Variants in TBC1D1 observed in about 807,000 individuals in gnomAD.
TBC1D1 encodes the protein TBC1 domain family member 1, also known as TBC1 (tre-2/USP6, BUB2, cdc16) domain family, member 1.
TBC1D1 carries 89 observed loss-of-function variants against 125.6 expected under a neutral mutation model. The observed-to-expected ratio is 0.71, with a 90% confidence interval of 0.60 to 0.85. TBC1D1 has a LOEUF of 0.85. Among genes scored for constraint, TBC1D1 ranks in the 40% least tolerant of loss-of-function variants. The probability of loss-of-function intolerance (pLI) is 0.00; values close to 1 mark genes in which losing one functional copy is unlikely to be tolerated. For synonymous variants in TBC1D1, 565 were observed against 564.1 expected (o/e 1.00, Z -0.02); for missense variants, 1,377 against 1,469.2 (o/e 0.94, Z 1.03).
intron 12 of TBC1D1, among the ~76,000 whole-genome samples, chr4:38,065,998 G>A (rs1753666794): frequency 6.6e-6 from 1 of 152,208 alleles, no homozygotes; most frequent in Non-Finnish European, 1.5e-5. Flanking sequence ...GAGTGACACA[G>A]TTATGTCTCC....
chr4:38,066,895 C>A (rs1335325797), intron 12 of TBC1D1, among the ~76,000 whole-genome samples: 1 of 151,598 alleles, frequency 6.6e-6, no homozygotes, highest in South Asian at 2.1e-4. Flanking sequence ...TTTCTTTTAC[C>A]CCGATGGAGT....
intron 2 of TBC1D1, among the ~76,000 whole-genome samples, chr4:37,919,477 C>G (rs947996966): frequency 1.3e-5 from 2 of 151,844 alleles, no homozygotes; most frequent in Admixed American, 1.3e-4. Flanking sequence ...TAAGCCACCG[C>G]GCCTGGCTAA....
chr4:38,077,135 G>A (rs1755732586), intron 12 of TBC1D1, among the ~76,000 whole-genome samples: 1 of 152,208 alleles, frequency 6.6e-6, no homozygotes, highest in Admixed American at 6.5e-5. Context: ...TCTAAAATTT[G>A]CAGGTAAGAT....
At chr4:38,027,674 T>C in intron 6 of TBC1D1, 114 bp from the exon 7 acceptor site, 1 of 556,182 alleles carries the variant, frequency 1.8e-6, no homozygotes, top group Non-Finnish European at 3.2e-6. Flanking sequence ...TCCTAAAACC[T>C]TGGAAGTCTG....
At chr4:37,991,887 G>A (rs372608775) in intron 2 of TBC1D1, among the ~76,000 whole-genome samples, 3 of 152,176 alleles carry the variant, frequency 2.0e-5, no homozygotes, top group Non-Finnish European at 4.4e-5. Context: ...CATCCAGGGG[G>A]TGACAAAGAA....
intron 2 of TBC1D1, among the ~76,000 whole-genome samples, chr4:37,963,582 A>C (rs1730475394): frequency 6.6e-6 from 1 of 152,208 alleles, no homozygotes; most frequent in Admixed American, 6.5e-5. Context: ...GCTTCAGCCC[A>C]GGAGGTGAAG....
intron 7 of TBC1D1, 115 bp from the exon 8 acceptor site, chr4:38,035,473 A>G (rs1747024705): frequency 1.3e-6 from 1 of 744,864 alleles, no homozygotes; most frequent in Admixed American, 2.6e-5. Flanking sequence ...CCCTGGTGAG[A>G]TGATTGAGTA....
chr4:37,989,576 T>G (rs1019784527), intron 2 of TBC1D1, among the ~76,000 whole-genome samples: 4 of 152,264 alleles, frequency 2.6e-5, no homozygotes, highest in Admixed American at 2.6e-4. Flanking sequence ...GGAGATTGAT[T>G]CTTTTTGCTG....
intron 12 of TBC1D1, among the ~76,000 whole-genome samples, chr4:38,065,297 C>G (rs1753514020): frequency 6.6e-6 from 1 of 152,116 alleles, no homozygotes; most frequent in African/African-American, 2.4e-5. Flanking sequence ...GCCCCAGAAT[C>G]CCCTGGAGGA....
Position 38,035,705 on chromosome 4 carries a change from C to T in TBC1D1, c.1413+7C>T, listed in dbSNP as rs867130623. 4 of 1,593,416 alleles carry T rather than the reference C, an allele frequency of 2.5e-6. No homozygotes were observed. The highest frequency in any genetic ancestry group is 3.4e-6 in the Non-Finnish European group (4 of 1,163,010). On this transcript the variant is annotated splice_region_variant and intron_variant, in intron 8 of 19. Transcript: ENST00000261439. ...TATTGGGGAGATGAAGCAGGTATGG[C>T]ATTTTTGTCTCTTGTAATTGTTGCC... is the stretch of plus-strand genomic sequence containing the variant.
intron 2 of TBC1D1, among the ~76,000 whole-genome samples, chr4:37,941,173 G>A (rs901573536): frequency 1.3e-5 from 2 of 152,030 alleles, no homozygotes; most frequent in African/African-American, 2.4e-5. Context: ...TTGGTTGGTA[G>A]GCTATTAATT....
At chr4:37,987,777 A>G (rs1305155957) in intron 2 of TBC1D1, among the ~76,000 whole-genome samples, 3 of 152,136 alleles carry the variant, frequency 2.0e-5, no homozygotes, top group Admixed American at 2.0e-4. Flanking sequence ...ATGAGATTGC[A>G]TTTTCTCGTT....
At chr4:38,069,772 T>A (rs1754383174) in intron 12 of TBC1D1, among the ~76,000 whole-genome samples, 1 of 151,828 alleles carries the variant, frequency 6.6e-6, no homozygotes, top group Non-Finnish European at 1.5e-5. Context: ...CAGGGAGAGG[T>A]GGGGGAAGTA....
chr4:37,945,552 G>A (rs1173424216), intron 2 of TBC1D1, among the ~76,000 whole-genome samples: 108 of 35,078 alleles, frequency 3.1e-3, no homozygotes, highest in African/African-American at 6.3e-3. Flanking sequence ...AAAAAAAAAA[G>A]CCTAGAAGCA....
At chr4:38,131,834 C>T (rs577901650) in intron 18 of TBC1D1, among the ~76,000 whole-genome samples, 6 of 152,340 alleles carry the variant, frequency 3.9e-5, no homozygotes, top group Admixed American at 6.5e-5. Flanking sequence ...ACTCCCCTCG[C>T]ACACATGCAC....
At chr4:37,964,222 C>T (rs532694580) in intron 2 of TBC1D1, among the ~76,000 whole-genome samples, 1 of 152,332 alleles carries the variant, frequency 6.6e-6, no homozygotes, top group Non-Finnish European at 1.5e-5. Context: ...TGCGAAATTA[C>T]CACTTGATGA....
intron 2 of TBC1D1, among the ~76,000 whole-genome samples, chr4:37,996,486 G>C (rs972941958): frequency 6.6e-6 from 1 of 152,184 alleles, no homozygotes; most frequent in African/African-American, 2.4e-5. Flanking sequence ...GTGGTTACTT[G>C]GTGAGTGTAG....
intron 11 of TBC1D1, among the ~76,000 whole-genome samples, chr4:38,052,604 G>A (rs1336305821): frequency 6.6e-6 from 1 of 151,944 alleles, no homozygotes; most frequent in Non-Finnish European, 1.5e-5. Context: ...CAAAGTGCTG[G>A]GATTACAGGT....
intron 17 of TBC1D1, among the ~76,000 whole-genome samples, chr4:38,124,190 G>C (rs636487): frequency 0.3 from 41,189 of 137,758 alleles, 6,063 homozygotes; most frequent in South Asian, 0.4. Flanking sequence ...TAGTTATCGT[G>C]GCTCTGCTTT....
Sources: gnomAD v4.1 joint callset for allele counts (sites outside exome capture counted in the v4.1 genomes callset) on GRCh38, gnomAD v4.1.1 for gene constraint, MANE v1.5 for transcripts, NCBI Gene and HGNC (gene_info 2026-07-23, HGNC 2026-07-21) for gene names.